Variants in ZEB1 observed in about 807,000 individuals in gnomAD.
ZEB1 encodes zinc finger E-box-binding homeobox 1.
A neutral mutation model predicts 84.9 loss-of-function variants in ZEB1; 21 were observed. The ratio of observed to expected loss-of-function variants is 0.25; its 90% CI spans 0.18 to 0.36. The LOEUF (loss-of-function observed/expected upper bound fraction) is 0.36. Ranked by LOEUF, ZEB1 falls within the 10% of genes least tolerant of loss-of-function variation. The pLI, the probability that ZEB1 is intolerant of heterozygous loss-of-function variation, is 1.00. For synonymous variants in ZEB1, 420 were observed against 471.1 expected (o/e 0.89, Z 1.41); for missense variants, 1,104 against 1,330.2 (o/e 0.83, Z 2.65).
At chr10:31,319,898 CGGCGGCGGCGGGACGG>C (rs1289082117) in intron 1 of ZEB1, 1 of 146,864 alleles carries the variant, frequency 6.8e-6, no homozygotes, top group East Asian at 2.0e-4. Flanking sequence ...AGGCGGGCTG[CGGCGGCGGCGGGACGG>C]GGCGGCCGCG....
chr10:31,401,860 T>A (rs934513658), intron 1 of ZEB1, among the ~76,000 whole-genome samples: 1 of 152,006 alleles, frequency 6.6e-6, no homozygotes, highest in African/African-American at 2.4e-5. Context: ...TAATAGGCAG[T>A]GGAGATGTTA....
chr10:31,458,669 A>G (rs1315099024), intron 1 of ZEB1, among the ~76,000 whole-genome samples: 1 of 152,112 alleles, frequency 6.6e-6, no homozygotes, highest in Non-Finnish European at 1.5e-5. Flanking sequence ...TATCTACTTC[A>G]TAAGTCTTCC....
intron 1 of ZEB1, among the ~76,000 whole-genome samples, chr10:31,408,930 A>G (rs1467518284): frequency 6.6e-6 from 1 of 150,396 alleles, no homozygotes; most frequent in Non-Finnish European, 1.5e-5. Context: ...CTGCACAGCA[A>G]AAGAAACTAC....
chr10:31,331,992 A>G (rs898671961), intron 1 of ZEB1, among the ~76,000 whole-genome samples: 1 of 152,206 alleles, frequency 6.6e-6, no homozygotes, highest in Non-Finnish European at 1.5e-5. Flanking sequence ...TTATAATATT[A>G]TGTTTCTTTA....
intron 1 of ZEB1, among the ~76,000 whole-genome samples, chr10:31,368,062 G>A (rs2044897129): frequency 6.6e-6 from 1 of 151,880 alleles, no homozygotes; most frequent in Non-Finnish European, 1.5e-5. Context: ...GTATCCTCAG[G>A]TGGTTGGTGC....
intron 2 of ZEB1, among the ~76,000 whole-genome samples, chr10:31,477,714 C>T (rs903133206): frequency 3.3e-5 from 5 of 151,900 alleles, no homozygotes; most frequent in Admixed American, 6.6e-5. Context: ...AGTGACATAC[C>T]TACAACCAAC....
At chr10:31,513,756 A>C (rs1030535693) in intron 5 of ZEB1, among the ~76,000 whole-genome samples, 1 of 152,184 alleles carries the variant, frequency 6.6e-6, no homozygotes, top group Non-Finnish European at 1.5e-5. Flanking sequence ...GATAAAGAGG[A>C]GCAATATGTG....
intron 5 of ZEB1, among the ~76,000 whole-genome samples, chr10:31,512,058 A>C (rs1363912454): frequency 6.6e-6 from 1 of 152,154 alleles, no homozygotes; most frequent in Non-Finnish European, 1.5e-5. Flanking sequence ...ACTGAAGGCA[A>C]ACTCCGTCTC....
chr10:31,481,059 T>G (rs1354602312), intron 2 of ZEB1, among the ~76,000 whole-genome samples: 1 of 152,032 alleles, frequency 6.6e-6, no homozygotes, highest in Non-Finnish European at 1.5e-5. Context: ...TCCTTCCAGT[T>G]ATTAAATTTG....
In ZEB1 at chr10:31,427,719, C is replaced by T. The variant is rs183644005; in HGVS notation, c.59-33318C>T. On this transcript the variant is annotated intron_variant, in intron 1 of 8. Coordinates refer to ENST00000424869, the MANE Select transcript of ZEB1 (RefSeq NM_001174096.2). ...ATACAAACAAAAAAAATTAGCCGGG[C>T]GTGGTGGCGGGCGCCTGTAGTCCCA... 8.0e-3 allele frequency among the ~76,000 whole-genome samples: 1,209 copies of T among 152,044 alleles called. 8 individuals are homozygous for T. Among genetic ancestry groups the T allele is most frequent in the African/African-American group, 0.027 (1,118 of 41,508 alleles).
intron 1 of ZEB1, among the ~76,000 whole-genome samples, chr10:31,325,745 T>A (rs1185141376): frequency 6.6e-6 from 1 of 152,058 alleles, no homozygotes; most frequent in Non-Finnish European, 1.5e-5. Context: ...TTTTATTCTA[T>A]ATTGAAAGTC....
At chr10:31,494,390 T>C (rs959581975) in intron 2 of ZEB1, among the ~76,000 whole-genome samples, 1 of 152,044 alleles carries the variant, frequency 6.6e-6, no homozygotes, top group Non-Finnish European at 1.5e-5. Context: ...TTTAACTGTT[T>C]TTCCTATATG....
intron 1 of ZEB1, among the ~76,000 whole-genome samples, chr10:31,370,962 C>A (rs1275932883): frequency 1.3e-5 from 2 of 152,136 alleles, no homozygotes; most frequent in Non-Finnish European, 2.9e-5. Flanking sequence ...AAGCAGTCTT[C>A]CCCACCTTGA....
At chr10:31,490,211 C>T (rs1157087440) in intron 2 of ZEB1, among the ~76,000 whole-genome samples, 5 of 151,276 alleles carry the variant, frequency 3.3e-5, no homozygotes, top group African/African-American at 1.2e-4. Context: ...AGGTTCAGTT[C>T]TTAAATCTGT....
chr10:31,340,991 AAG>A (rs1193860383), intron 1 of ZEB1, among the ~76,000 whole-genome samples: 1 of 152,116 alleles, frequency 6.6e-6, no homozygotes, highest in African/African-American at 2.4e-5. Context: ...AGATAAGGGT[AAG>A]AGAGTGATTG....
At chr10:31,354,030 ATTAG>A (rs1288341481) in intron 1 of ZEB1, among the ~76,000 whole-genome samples, 1 of 152,218 alleles carries the variant, frequency 6.6e-6, no homozygotes, top group Non-Finnish European at 1.5e-5. Flanking sequence ...AGATATTAGA[ATTAG>A]TTTCTCAGAA....
intron 1 of ZEB1, among the ~76,000 whole-genome samples, chr10:31,428,201 G>A (rs1429390031): frequency 6.6e-6 from 1 of 152,122 alleles, no homozygotes; most frequent in Non-Finnish European, 1.5e-5. Context: ...TGGGCATTTG[G>A]TGCTATAAAT....
At chr10:31,447,700 C>T (rs1425076967) in intron 1 of ZEB1, among the ~76,000 whole-genome samples, 1 of 151,154 alleles carries the variant, frequency 6.6e-6, no homozygotes, top group Non-Finnish European at 1.5e-5. Flanking sequence ...ATATGAAATT[C>T]TGGGTTGAAA....
At chr10:31,325,359 T>C (rs1355156628) in intron 1 of ZEB1, among the ~76,000 whole-genome samples, 1 of 152,080 alleles carries the variant, frequency 6.6e-6, no homozygotes, top group East Asian at 1.9e-4. Context: ...TTAAGCTTTT[T>C]TCATTCTCTA....
Sources: allele counts gnomAD v4.1 joint callset (sites outside exome capture counted in the v4.1 genomes callset), GRCh38; gene constraint gnomAD v4.1.1; transcripts MANE v1.5; gene names NCBI Gene and HGNC (gene_info 2026-07-23, HGNC 2026-07-21).